Variants in LRRK1 observed in about 807,000 individuals in gnomAD.
LRRK1 encodes the protein leucine rich repeat kinase 1.
LRRK1 carries 113 observed loss-of-function variants against 209.1 expected under a neutral mutation model. The ratio of observed to expected loss-of-function variants is 0.54; its 90% CI spans 0.46 to 0.63. LRRK1 has a LOEUF of 0.63. Among genes scored for constraint, LRRK1 ranks in the 30% least tolerant of loss-of-function variants. The pLI, the probability that LRRK1 is intolerant of heterozygous loss-of-function variation, is 0.00. For missense variants in LRRK1, 2,284 were observed against 2,632.2 expected, an observed-to-expected ratio of 0.87 and a Z score of 2.89; for synonymous variants, 1,144 against 1,099.7, an observed-to-expected ratio of 1.04 and a Z score of -0.80.
At chr15:101,006,590 G>A (rs1014240266) in intron 6 of LRRK1, among the ~76,000 whole-genome samples, 33 of 152,140 alleles carry the variant, frequency 2.2e-4, no homozygotes, top group Admixed American at 2.2e-3. Flanking sequence ...ATATCGTATT[G>A]ATGTTACACT....
chr15:101,055,705 C>T (rs1044252449), intron 27 of LRRK1, among the ~76,000 whole-genome samples: 4 of 152,182 alleles, frequency 2.6e-5, no homozygotes, highest in African/African-American at 7.2e-5. Context: ...AAGCTGGCAT[C>T]CCCTGGCAAC....
chr15:101,043,610 A>ATATGTG (rs112683474), intron 20 of LRRK1: 2 of 150,610 alleles, frequency 1.3e-5, no homozygotes, highest in Admixed American at 6.6e-5. Context: ...CGTATTTATA[A>ATATGTG]TGTGTGTGTG....
chr15:101,012,763 G>A lies in LRRK1; in HGVS notation c.1419+618G>A, dbSNP rs114048351. ...TGTGCGGCGACCCCCACAAGGCAGC[G>A]AAGGCCCCTTCAGCATGTGTATCCT... On this transcript the variant is annotated intron_variant, in intron 10 of 33. Transcript: ENST00000388948. Among the ~76,000 whole-genome samples, 775 of 152,324 alleles carry A rather than the reference G, an allele frequency of 5.1e-3. 7 individuals are homozygous for A. The highest frequency in any genetic ancestry group is 0.018 in the African/African-American group (735 of 41,566).
intron 30 of LRRK1, 192 bp from the exon 31 acceptor site, chr15:101,062,377 TTAGAC>T (rs774464023): frequency 7.5e-6 from 4 of 533,712 alleles, no homozygotes; most frequent in Non-Finnish European, 1.0e-5. Flanking sequence ...TGTTTCCTCT[TTAGAC>T]TAGTCTGTCT....
At chr15:101,068,047 G>A (rs546261655) in intron 33 of LRRK1, among the ~76,000 whole-genome samples, 13 of 152,302 alleles carry the variant, frequency 8.5e-5, no homozygotes, top group East Asian at 1.9e-4. Context: ...GGACACAGAG[G>A]GAGGAAAGGC....
rs2034165777 is a variant in LRRK1 at position 101,029,058 on chromosome 15, G to A, written c.2789G>A (p.Cys930Tyr). ...CTCGACCCTATTTGGCTCTCCGAATGTCTGCAGAGGATCTTTAATATTAAG... is the reference window on the plus strand; with the variant it reads ...CTCGACCCTATTTGGCTCTCCGAATATCTGCAGAGGATCTTTAATATTAAG... ...YFLDPIWLSE[C>Y]LQRIFNIKGS... is the part of the protein sequence containing the mutation. The change falls in exon 20 of 34, where the codon TGT becomes TAT. Residue 930 changes from cysteine to tyrosine, a missense_variant. Cys to Tyr is a radical substitution (Grantham distance 194). Coordinates refer to ENST00000388948, the MANE Select transcript of LRRK1 (RefSeq NM_024652.6). The A allele has an allele frequency of 9.9e-6, 16 of 1,614,074 alleles. No individual in the cohort carries two copies. Among genetic ancestry groups the A allele is most frequent in the Non-Finnish European group, 1.2e-5 (14 of 1,180,046 alleles).
intron 11 of LRRK1, 126 bp downstream of exon 11, chr15:101,014,554 A>G: frequency 2.9e-6 from 2 of 684,264 alleles, no homozygotes; most frequent in Non-Finnish European, 5.1e-6. Context: ...GGGCTTAACA[A>G]CAGAAATCAC....
Position 101,014,327 on chromosome 15 carries a change from C to A in LRRK1, c.1431C>A (p.Phe477Leu), listed in dbSNP as rs773371877. The change falls in exon 11 of 34, where the codon TTC (phenylalanine) becomes TTA (leucine). Residue 477 changes from phenylalanine (F) to leucine (L), a missense_variant. Transcript: ENST00000388948. ...LGLFQLDALM[F>L]LRLQGNQLAA... ...CCTCTCTCTCTCAGGCCCTCATGTT[C>A]TTGAGGTTACAGGGGAACCAGCTGG... 1.2e-6 allele frequency: 2 copies of A among 1,612,538 alleles called. No individual in the cohort carries two copies. Among genetic ancestry groups the A allele is most frequent in the Non-Finnish European group, 1.7e-6 (2 of 1,178,930 alleles).
At chr15:100,973,108 C>G (rs2031034490) in intron 2 of LRRK1, among the ~76,000 whole-genome samples, 1 of 152,240 alleles carries the variant, frequency 6.6e-6, no homozygotes, top group Non-Finnish European at 1.5e-5. Context: ...CTCGGCCTGC[C>G]GTGGCCGCCC....
chr15:101,075,841 C>T lies in LRRK1; in HGVS notation c.*6993C>T, dbSNP rs952969478. 1.5e-4 allele frequency: 23 copies of T among 152,252 alleles called. No individual in the cohort carries two copies. The highest frequency in any genetic ancestry group is 2.8e-4 in the Non-Finnish European group (19 of 68,060). The allele number at this position is 152,252 out of a possible 1,614,324, so 9.4% of individuals were successfully genotyped here. On this transcript the variant is annotated 3_prime_UTR_variant, in exon 34 of 34. Coordinates refer to ENST00000388948, the MANE Select transcript of LRRK1 (RefSeq NM_024652.6). ...CACCCTTCATCCCAGCCTCTCTTCA[C>T]TTTCACTTGGACTGACCCTGACACC...
At chr15:100,933,676 G>A (rs1439548297) in intron 2 of LRRK1, among the ~76,000 whole-genome samples, 1 of 151,712 alleles carries the variant, frequency 6.6e-6, no homozygotes, top group Non-Finnish European at 1.5e-5. Context: ...ACAAAAATTA[G>A]CCGGGTATGG....
rs375638857 is a variant in LRRK1, at chr15:101,010,791, C to T, written c.1235C>T (p.Ser412Phe). 1.2e-6 allele frequency: 2 copies of T among 1,613,950 alleles called. No homozygotes were observed. The highest frequency in any genetic ancestry group is 1.7e-5 in the Admixed American group (1 of 59,992). Residue 412 changes from serine to phenylalanine, a missense_variant, in exon 9 of 34, where the codon TCC becomes TTC. Ser to Phe is a radical substitution (Grantham distance 155, BLOSUM62 -2). This residue lies in a region of LRRK1 where 494 missense variants were observed against 522.1 expected (regional missense o/e 0.95). Transcript: ENST00000388948. ...AAGTCCCTCAATTCTCTGAATGTCT[C>T]CAGAAACAACCTGAAGGTGTTTCCA... is the stretch of plus-strand genomic sequence containing the variant. ...SFKSLNSLNVSRNNLKVFPDP... is the reference protein window; with the variant it reads ...SFKSLNSLNVFRNNLKVFPDP...
At chr15:101,036,632 G>A (rs2034503701) in intron 20 of LRRK1, among the ~76,000 whole-genome samples, 1 of 152,052 alleles carries the variant, frequency 6.6e-6, no homozygotes, top group African/African-American at 2.4e-5. Context: ...TAGGCTGTAT[G>A]GCTGGAGAAT....
At chr15:100,981,370 G>T (rs1464746195) in intron 3 of LRRK1, among the ~76,000 whole-genome samples, 1 of 152,212 alleles carries the variant, frequency 6.6e-6, no homozygotes, top group Non-Finnish European at 1.5e-5. Context: ...TTCCTGGAAT[G>T]ACAGGGCTAC....
At position 101,069,807 on chromosome 15, in the gene LRRK1, A is replaced by G. The variant is rs899067387; in HGVS notation, c.*959A>G. The G allele has an allele frequency of 2.6e-5, 4 of 152,616 alleles. No homozygotes were observed. The highest frequency in any genetic ancestry group is 1.3e-4 in the Admixed American group (2 of 15,280). 9.5% of individuals were successfully genotyped at this position (152,616 alleles called of 1,614,324 possible). On this transcript the variant is annotated 3_prime_UTR_variant, in exon 34 of 34. Coordinates refer to ENST00000388948, the MANE Select transcript of LRRK1 (RefSeq NM_024652.6). ...TCACTGCACACGTGTACAGCGGAGT[A>G]CGAAAAGGAACGTTGTCCACAGGGG...
rs142677531 is a variant in LRRK1 at position 100,943,511 on chromosome 15, T to C, written c.97+18782T>C. Among the ~76,000 whole-genome samples, 87 of 152,302 alleles carry C rather than the reference T, an allele frequency of 5.7e-4. 3 individuals carry two copies. The East Asian group carries it at 0.013, about 23-fold the overall frequency. On this transcript the variant is annotated intron_variant, in intron 2 of 33. Transcript: ENST00000388948. ...TTTGTTGTTATTGCCATATGATTTCTAAAAATTTAAATAAACAAGCAGTAG... is the reference window on the plus strand; with the variant it reads ...TTTGTTGTTATTGCCATATGATTTCCAAAAATTTAAATAAACAAGCAGTAG...
intron 2 of LRRK1, among the ~76,000 whole-genome samples, chr15:100,952,865 C>T: frequency 3.0e-5 from 1 of 33,894 alleles, no homozygotes; most frequent in Admixed American, 3.8e-4. Flanking sequence ...CTGGGCATTC[C>T]TTATGCTTTA....
intron 3 of LRRK1, among the ~76,000 whole-genome samples, chr15:100,977,613 A>C (rs2141657817): frequency 6.6e-6 from 1 of 152,310 alleles, no homozygotes; most frequent in African/African-American, 2.4e-5. Flanking sequence ...TGAAGTCCCA[A>C]CGCTGCCCAG....
chr15:101,051,595 A>T, intron 23 of LRRK1, 116 bp from the exon 24 acceptor site: 1 of 1,352,334 alleles, frequency 7.4e-7, no homozygotes, highest in Non-Finnish European at 1.0e-6. Flanking sequence ...GGTACAGGCC[A>T]GGACAGGCAG....
Sources: gnomAD v4.1 joint callset for allele counts (sites outside exome capture counted in the v4.1 genomes callset) on GRCh38, gnomAD v4.1.1 for gene constraint, gnomAD v4.1.1 regional missense constraint, MANE v1.5 for transcripts, NCBI Gene and HGNC (gene_info 2026-07-23, HGNC 2026-07-21) for gene names.